Variants in POLA1 observed in about 807,000 individuals in gnomAD.
POLA1 encodes DNA polymerase alpha 1, catalytic subunit.
In POLA1, 15 loss-of-function variants were observed where a neutral mutation model predicts 124.0. That is an observed-to-expected ratio of 0.12 (90% CI 0.08 to 0.19). POLA1 has a LOEUF of 0.19. POLA1 is among the 10% of genes least tolerant of loss of function. The pLI is 1.00. For synonymous variants in POLA1, 408 were observed against 389.4 expected (o/e 1.05, Z -0.56); for missense variants, 886 against 1,103.4 (o/e 0.80, Z 2.79).
intron 35 of POLA1, among the ~76,000 whole-genome samples, chrX:24,895,736 T>C (rs1243624902): frequency 8.9e-6 from 1 of 112,354 alleles, no homozygotes; most frequent in African/African-American, 3.2e-5. Context: ...ATTTGGCTTC[T>C]GCAGTTCTTG....
chrX:24,730,187 A>G (rs1049360533), intron 15 of POLA1, among the ~76,000 whole-genome samples: 2 of 111,793 alleles, frequency 1.8e-5, no homozygotes, highest in Non-Finnish European at 3.8e-5. Context: ...AATTTTAAGA[A>G]AGTATCCACC....
chrX:24,746,937 A>G (rs1415010445), intron 24 of POLA1, among the ~76,000 whole-genome samples: 7 of 111,864 alleles, frequency 6.3e-5, no homozygotes, highest in Non-Finnish European at 1.3e-4. Flanking sequence ...AGCTGTTAAT[A>G]GAATTTACGG....
At chrX:24,859,584 C>T (rs960882358) in intron 34 of POLA1, among the ~76,000 whole-genome samples, 1 of 112,563 alleles carries the variant, frequency 8.9e-6, no homozygotes, top group Non-Finnish European at 1.9e-5. Flanking sequence ...ACCTTTTGTA[C>T]ACACCTCTGT....
At chrX:24,744,445 C>T (rs746012058) in intron 23 of POLA1, 2 of 337,000 alleles carry the variant, frequency 5.9e-6, no homozygotes, top group Non-Finnish European at 1.1e-5. Flanking sequence ...TAATAGTGGA[C>T]ATTTATTTTT....
intron 18 of POLA1, 82 bp from the exon 19 acceptor site, chrX:24,737,543 A>G (rs1311128735): frequency 1.8e-6 from 1 of 547,158 alleles, no homozygotes; most frequent in Non-Finnish European, 3.2e-6. Context: ...AAGAAAGGGC[A>G]AAGAAATTCT....
intron 34 of POLA1, among the ~76,000 whole-genome samples, chrX:24,883,887 CT>C (rs1485948988): frequency 4.5e-5 from 5 of 111,409 alleles, no homozygotes; most frequent in Non-Finnish European, 9.4e-5. Flanking sequence ...AGGAACTACA[CT>C]TTTATTAAAA....
intron 26 of POLA1, among the ~76,000 whole-genome samples, chrX:24,791,604 T>C (rs778587991): frequency 8.9e-6 from 1 of 112,452 alleles, no homozygotes; most frequent in African/African-American, 3.2e-5. Flanking sequence ...CAGGATGGTC[T>C]TGAACTCCTA....
chrX:24,727,103 T>G (rs1930586324), intron 14 of POLA1, 32 bp downstream of exon 14: 1 of 1,131,869 alleles, frequency 8.8e-7, no homozygotes, highest in African/African-American at 1.8e-5. Flanking sequence ...GAATGCTGAA[T>G]AGATTGCTGA....
chrX:24,835,948 A>G (rs145180461), intron 32 of POLA1, among the ~76,000 whole-genome samples: 9 of 111,523 alleles, frequency 8.1e-5, no homozygotes, highest in African/African-American at 2.9e-4. Flanking sequence ...ACAAAACCTA[A>G]CTAAACTGCT....
rs1929945301 is a variant in POLA1 at position 24,717,769 on chromosome X, A to G, written c.1087+11A>G. 8.9e-7 allele frequency: 1 copy of G among 1,124,158 alleles called. No homozygotes were observed. The highest frequency in any genetic ancestry group is 1.2e-6 in the Non-Finnish European group (1 of 827,347). 92.6% of individuals were successfully genotyped at this position (1,124,158 alleles called of 1,213,427 possible). A position where few individuals can be genotyped will look rare whatever the true frequency, so the allele number is the denominator to read the frequency against. On this transcript the variant is annotated intron_variant, in intron 10 of 36. Coordinates refer to ENST00000379068, the MANE Select transcript of POLA1 (RefSeq NM_001330360.2). ...AGTACAACCAACCAGGTAATCATAT[A>G]TAAGGTAACTATATGCCTTTAACTC...
chrX:24,710,666 T>G (rs1284543907), intron 4 of POLA1, among the ~76,000 whole-genome samples: 3 of 84,707 alleles, frequency 3.5e-5, no homozygotes, highest in African/African-American at 2.1e-4. Flanking sequence ...ATGTTGTGGT[T>G]TTTTTTTTTT....
intron 36 of POLA1, among the ~76,000 whole-genome samples, chrX:24,966,839 C>T (rs1188143018): frequency 8.9e-6 from 1 of 112,025 alleles, no homozygotes; most frequent in South Asian, 3.8e-4. Context: ...GCATGCTGCA[C>T]ACTGTAATAA....
At chrX:24,778,173 T>C (rs1207957522) in intron 26 of POLA1, among the ~76,000 whole-genome samples, 3 of 112,206 alleles carry the variant, frequency 2.7e-5, no homozygotes, top group African/African-American at 9.7e-5. Context: ...ATATTCTTAA[T>C]AGTTTCTTCC....
At chrX:24,712,282 C>G (rs1229923942) in intron 4 of POLA1, among the ~76,000 whole-genome samples, 1 of 110,684 alleles carries the variant, frequency 9.0e-6, no homozygotes, top group Non-Finnish European at 1.9e-5. Context: ...GATGGGGTTT[C>G]ACTATGTTGG....
chrX:24,819,249 T>C (rs1175413060), intron 30 of POLA1, among the ~76,000 whole-genome samples: 1 of 112,463 alleles, frequency 8.9e-6, no homozygotes, highest in African/African-American at 3.2e-5. Context: ...CGTACTTATA[T>C]CAGAAAAGTT....
At chrX:24,711,275 T>C (rs1929410346) in intron 4 of POLA1, among the ~76,000 whole-genome samples, 1 of 112,717 alleles carries the variant, frequency 8.9e-6, no homozygotes, top group Non-Finnish European at 1.9e-5. Flanking sequence ...TGAGCCACGG[T>C]GCCCGGCCCC....
chrX:24,798,640 C>T (rs1031908930), intron 26 of POLA1, among the ~76,000 whole-genome samples: 1 of 110,228 alleles, frequency 9.1e-6, no homozygotes, highest in African/African-American at 3.3e-5. Flanking sequence ...TATAAACATA[C>T]GAAATAATGT....
intron 34 of POLA1, among the ~76,000 whole-genome samples, chrX:24,865,342 A>G (rs2046779817): frequency 8.9e-6 from 1 of 112,146 alleles, no homozygotes; most frequent in African/African-American, 3.2e-5. Flanking sequence ...TATTCTCACC[A>G]AAGGCTAGTA....
intron 29 of POLA1, 116 bp downstream of exon 29, chrX:24,812,979 A>T (rs1383569390): frequency 1.9e-5 from 7 of 378,124 alleles, no homozygotes; most frequent in African/African-American, 2.6e-5. Context: ...TGTTATTTTT[A>T]TTATTCTTAT....
Sources: gnomAD v4.1 joint callset for allele counts (sites outside exome capture counted in the v4.1 genomes callset) on GRCh38, gnomAD v4.1.1 for gene constraint, MANE v1.5 for transcripts, NCBI Gene and HGNC (gene_info 2026-07-23, HGNC 2026-07-21) for gene names.